Variants in DSCAML1 observed in about 807,000 individuals in gnomAD.
DSCAML1 encodes the protein cell adhesion molecule DSCAML1.
Under a neutral mutation model 200.5 loss-of-function variants are expected in DSCAML1, and 38 were observed. The ratio of observed to expected loss-of-function variants is 0.19; its 90% CI spans 0.15 to 0.25. The LOEUF (loss-of-function observed/expected upper bound fraction) is 0.25. Ranked by LOEUF, DSCAML1 falls within the 10% of genes least tolerant of loss-of-function variation. The probability of loss-of-function intolerance (pLI) is 1.00; values close to 1 mark genes in which losing one functional copy is unlikely to be tolerated. For missense variants in DSCAML1, 2,223 were observed against 2,858.8 expected, an observed-to-expected ratio of 0.78 and a Z score of 5.07; for synonymous variants, 1,215 against 1,165.0, an observed-to-expected ratio of 1.04 and a Z score of -0.87.
In DSCAML1 at chr11:117,632,110, C is replaced by T. The variant is rs150427923; in HGVS notation, c.512-99588G>A. On this transcript the variant is annotated intron_variant, in intron 3 of 32. Transcript: ENST00000651296. ...CAGTCCTATCCCTGCTCAGCAGACACGACCGGAGGCTTTTCTCAGTCACTG... is the reference window on the plus strand; with the variant it reads ...CAGTCCTATCCCTGCTCAGCAGACATGACCGGAGGCTTTTCTCAGTCACTG... Among the ~76,000 whole-genome samples the T allele has an allele frequency of 4.0e-3, 603 of 152,322 alleles. 2 individuals carry two copies. The highest frequency in any genetic ancestry group is 0.013 in the African/African-American group (559 of 41,572).
chr11:117,577,433 CTTCTTTCCTTCCTTCCTTCCTTCCT>C (rs1565801394), intron 3 of DSCAML1, among the ~76,000 whole-genome samples: 11 of 42,416 alleles, frequency 2.6e-4, no homozygotes, highest in East Asian at 9.6e-4. Context: ...TCCTTCCTTC[CTTCTTTCCTTCCTTCCTTCCTTCCT>C]TTCCTTCCTT....
chr11:117,636,280 C>G (rs1265731343), intron 3 of DSCAML1, among the ~76,000 whole-genome samples: 1 of 152,164 alleles, frequency 6.6e-6, no homozygotes. Flanking sequence ...GTGAGTATTT[C>G]AAGCATTCCT....
At chr11:117,478,000 C>T (rs2048832191) in intron 14 of DSCAML1, among the ~76,000 whole-genome samples, 1 of 152,244 alleles carries the variant, frequency 6.6e-6, no homozygotes, top group South Asian at 2.1e-4. Context: ...TCCACCTTCC[C>T]CACCCATCCT....
intron 1 of DSCAML1, among the ~76,000 whole-genome samples, chr11:117,817,116 TTC>T (rs1241239567): frequency 6.6e-6 from 1 of 152,200 alleles, no homozygotes; most frequent in Admixed American, 6.5e-5. Context: ...CACAGGCTAA[TTC>T]TCCTGGCCCT....
At chr11:117,586,757 C>A (rs117216310) in intron 3 of DSCAML1, among the ~76,000 whole-genome samples, 3,431 of 152,328 alleles carry the variant, frequency 0.023, 59 homozygotes, top group Non-Finnish European at 0.035. Context: ...CTGGGCAATA[C>A]AAAGATTCCT....
In DSCAML1 at chr11:117,462,701, C is replaced by T. The variant is rs77311277; in HGVS notation, c.3266-1105G>A. Among the ~76,000 whole-genome samples the T allele has an allele frequency of 2.3e-3, 352 of 152,258 alleles. 1 individual carries two copies. Among genetic ancestry groups the T allele is most frequent in the African/African-American group, 7.8e-3 (326 of 41,542 alleles). ...CCCAGTGTAATAAACTAATACAGAT[C>T]GCCCATTCGAACAAAATGAAGGTAA... On this transcript the variant is annotated intron_variant, in intron 17 of 32. Transcript: ENST00000651296.
rs577738439 is a variant in DSCAML1 at position 117,743,695 on chromosome 11, C to T, written c.511+33096G>A. 5.9e-5 allele frequency among the ~76,000 whole-genome samples: 9 copies of T among 152,324 alleles called. No individual in the cohort carries two copies. In the South Asian group the frequency reaches 1.0e-3, roughly 18 times the overall value. On this transcript the variant is annotated intron_variant, in intron 3 of 32. Transcript: ENST00000651296. Reference sequence around the variant, plus strand: ...AGGCCACTGCCACCCCTGCTTCAAACGCTCTCTCATTTAATTTAGAGCTTG... The same window carrying T: ...AGGCCACTGCCACCCCTGCTTCAAATGCTCTCTCATTTAATTTAGAGCTTG...
At chr11:117,561,655 T>C (rs957770577) in intron 3 of DSCAML1, among the ~76,000 whole-genome samples, 1 of 152,222 alleles carries the variant, frequency 6.6e-6, no homozygotes, top group East Asian at 1.9e-4. Context: ...TTTCCTACTC[T>C]ACCCAGCCCC....
intron 3 of DSCAML1, among the ~76,000 whole-genome samples, chr11:117,639,456 G>A (rs1177606627): frequency 6.6e-6 from 1 of 150,750 alleles, no homozygotes; most frequent in Non-Finnish European, 1.5e-5. Flanking sequence ...GGCTGGATGG[G>A]TGGGAGGCTG....
At chr11:117,591,154 A>ATTTG (rs1555187971) in intron 3 of DSCAML1, among the ~76,000 whole-genome samples, 2 of 122,870 alleles carry the variant, frequency 1.6e-5, no homozygotes, top group Non-Finnish European at 3.6e-5. Flanking sequence ...TTAAAAATTC[A>ATTTG]TTTATGTATT....
At chr11:117,622,234 A>T (rs2051948760) in intron 3 of DSCAML1, among the ~76,000 whole-genome samples, 1 of 152,192 alleles carries the variant, frequency 6.6e-6, no homozygotes, top group African/African-American at 2.4e-5. Flanking sequence ...CTCTGCAGAC[A>T]TGAATGAGGC....
chr11:117,765,274 G>A (rs779356092), intron 3 of DSCAML1, among the ~76,000 whole-genome samples: 6 of 152,210 alleles, frequency 3.9e-5, no homozygotes, highest in South Asian at 2.1e-4. Flanking sequence ...ACAGAGACCC[G>A]TATTTAAGTT....
At position 117,788,322 on chromosome 11, in the gene DSCAML1, TTTG is replaced by T. The variant is rs529711188; in HGVS notation, c.47-7515_47-7513del. On this transcript the variant is annotated intron_variant, in intron 1 of 32. Transcript: ENST00000651296. ...TTGTTGTTGTTGTTTTGTTTTTGTT[TTTG>T]TTGTTGTTGTTGTTGTTTTGAGACG... 2.9e-3 allele frequency among the ~76,000 whole-genome samples: 439 copies of T among 152,160 alleles called. 1 individual carries two copies. The highest frequency in any genetic ancestry group is 8.5e-3 in the African/African-American group (352 of 41,510).
Position 117,433,182 on chromosome 11 carries a change from C to G in DSCAML1, c.4982G>C (p.Arg1661Thr). 2 of 1,614,116 alleles carry G rather than the reference C, an allele frequency of 1.2e-6. No individual in the cohort carries two copies. The highest frequency in any genetic ancestry group is 1.7e-6 in the Non-Finnish European group (2 of 1,180,006). ...TTTGTCCTCGATGAGCAGCTGGACC[C>G]TGGGGATGTCAATGTGTAGCCGTGG... ...QGPRLHIDIP[R>T]VQLLIEDKEG... The change falls in exon 29 of 33, where the codon AGG becomes ACG. Residue 1661 changes from arginine to threonine, a missense_variant. By Grantham distance (71) the Arg-to-Thr change is moderately conservative. This residue lies in a region of DSCAML1 where 614 missense variants were observed against 739.1 expected (regional missense o/e 0.83). Transcript: ENST00000651296.
intron 3 of DSCAML1, among the ~76,000 whole-genome samples, chr11:117,671,777 G>A (rs965661343): frequency 6.6e-6 from 1 of 152,204 alleles, no homozygotes; most frequent in African/African-American, 2.4e-5. Flanking sequence ...GGGCGGGGGA[G>A]AAGGAGACTT....
intron 3 of DSCAML1, among the ~76,000 whole-genome samples, chr11:117,730,345 A>G (rs2054198879): frequency 6.6e-6 from 1 of 152,188 alleles, no homozygotes; most frequent in Admixed American, 6.5e-5. Context: ...CAAGTTGGAA[A>G]AGGCAAAGAA....
At chr11:117,688,244 G>C (rs2137712640) in intron 3 of DSCAML1, among the ~76,000 whole-genome samples, 1 of 152,368 alleles carries the variant, frequency 6.6e-6, no homozygotes, top group African/African-American at 2.4e-5. Context: ...AGAAGGCAGG[G>C]ACAGGGCTGG....
chr11:117,736,520 G>A (rs1042569216), intron 3 of DSCAML1, among the ~76,000 whole-genome samples: 2 of 152,164 alleles, frequency 1.3e-5, no homozygotes, highest in South Asian at 4.1e-4. Flanking sequence ...CAAGAGGTGT[G>A]GACCCAAGAG....
Position 117,594,927 on chromosome 11 carries a change from T to C in DSCAML1, c.512-62405A>G, listed in dbSNP as rs2051332091. On this transcript the variant is annotated intron_variant, in intron 3 of 32. Coordinates refer to ENST00000651296, the MANE Select transcript of DSCAML1 (RefSeq NM_020693.4). ...GTGGTGGGATTTTCATTCCTCATTGTTACCTCTGTCAAGAAGGGACTCCTC... is the reference window on the plus strand; with the variant it reads ...GTGGTGGGATTTTCATTCCTCATTGCTACCTCTGTCAAGAAGGGACTCCTC... 1.1e-4 allele frequency among the ~76,000 whole-genome samples: 16 copies of C among 152,342 alleles called. No homozygotes were observed. In the South Asian group the frequency reaches 2.9e-3, roughly 28 times the overall value.
Sources: gnomAD v4.1 joint callset for allele counts (sites outside exome capture counted in the v4.1 genomes callset) on GRCh38, gnomAD v4.1.1 for gene constraint, gnomAD v4.1.1 regional missense constraint, MANE v1.5 for transcripts, NCBI Gene and HGNC (gene_info 2026-07-23, HGNC 2026-07-21) for gene names.